The following ADAMTS12 variants were observed in gnomAD, a reference collection of about 807,000 sequenced individuals.
ADAMTS12 encodes A disintegrin and metalloproteinase with thrombospondin motifs 12.
ADAMTS12 carries 118 observed loss-of-function variants against 167.8 expected under a neutral mutation model. That is an observed-to-expected ratio of 0.70 (90% CI 0.61 to 0.82). The LOEUF (loss-of-function observed/expected upper bound fraction) is 0.82, where lower values mean the gene tolerates loss of function less well. ADAMTS12 is among the 40% of genes least tolerant of loss of function. The pLI, the probability that ADAMTS12 is intolerant of heterozygous loss-of-function variation, is 0.00. For missense variants in ADAMTS12, 1,916 were observed against 1,998.8 expected (o/e 0.96, Z 0.79); for synonymous variants, 704 against 716.9 (o/e 0.98, Z 0.29).
At chr5:33,799,872 T>A (rs756211304) in intron 2 of ADAMTS12, among the ~76,000 whole-genome samples, 2 of 152,112 alleles carry the variant, frequency 1.3e-5, no homozygotes, top group Non-Finnish European at 2.9e-5. Context: ...CACAATCTTC[T>A]CCTCAATCCA....
At chr5:33,686,761 C>CTT (rs1742340758) in intron 3 of ADAMTS12, among the ~76,000 whole-genome samples, 1 of 150,926 alleles carries the variant, frequency 6.6e-6, no homozygotes, top group African/African-American at 2.4e-5. Context: ...ATACACCTCT[C>CTT]TCTCTATATA....
At chr5:33,719,678 T>C (rs919656969) in intron 3 of ADAMTS12, among the ~76,000 whole-genome samples, 2 of 152,186 alleles carry the variant, frequency 1.3e-5, no homozygotes, top group Admixed American at 6.5e-5. Context: ...GTTTTATCCA[T>C]AGGACAACTC....
intron 3 of ADAMTS12, among the ~76,000 whole-genome samples, chr5:33,685,806 C>T (rs1742302928): frequency 6.6e-6 from 1 of 152,090 alleles, no homozygotes. Flanking sequence ...GCATGAATTC[C>T]CTAAGAAATG....
chr5:33,641,392 A>C (rs150269002), intron 11 of ADAMTS12, among the ~76,000 whole-genome samples: 1,607 of 152,308 alleles, frequency 0.011, 25 homozygotes, highest in African/African-American at 0.037. Context: ...TATTCTCATA[A>C]AATTGTGTAT....
Position 33,596,042 on chromosome 5 carries a change from G to A in ADAMTS12, c.2546C>T (p.Ala849Val), listed in dbSNP as rs373996626. 9.3e-6 allele frequency: 15 copies of A among 1,613,870 alleles called. No homozygotes were observed. In the African/African-American group the frequency reaches 1.7e-4, roughly 19 times the overall value. The change falls in exon 17 of 24, where the codon GCC becomes GTC. Residue 849 changes from alanine (A) to valine (V), a missense_variant. Coordinates refer to ENST00000504830, the MANE Select transcript of ADAMTS12 (RefSeq NM_030955.4). The part of the protein sequence containing the change: ...TCGTGIRRQT[A>V]HCIKKGRGMV... ...CCCGCGGCCCTTCTTTATGCAATGG[G>A]CAGTTTGGCGGCGGATACCTGGGGG...
chr5:33,753,655 A>G (rs1745075454), intron 2 of ADAMTS12, among the ~76,000 whole-genome samples: 1 of 152,196 alleles, frequency 6.6e-6, no homozygotes, highest in South Asian at 2.1e-4. Flanking sequence ...CTCAGCCTCA[A>G]ATTTTGGACC....
chr5:33,725,055 G>A (rs1037259848), intron 3 of ADAMTS12, among the ~76,000 whole-genome samples: 1 of 152,036 alleles, frequency 6.6e-6, no homozygotes, highest in Admixed American at 6.6e-5. Flanking sequence ...ACTAAGGCTC[G>A]CTTGTTGCCA....
At chr5:33,677,949 C>T (rs1741979397) in intron 5 of ADAMTS12, among the ~76,000 whole-genome samples, 1 of 152,076 alleles carries the variant, frequency 6.6e-6, no homozygotes, top group Admixed American at 6.6e-5. Flanking sequence ...TGGTAACTGA[C>T]AAACATGCAT....
chr5:33,543,557 C>G (rs1299519862), intron 22 of ADAMTS12, among the ~76,000 whole-genome samples: 4 of 151,812 alleles, frequency 2.6e-5, no homozygotes, highest in Non-Finnish European at 5.9e-5. Context: ...AGAGACACAA[C>G]AAAAAAAGAA....
At chr5:33,886,379 G>A (rs994529176) in intron 1 of ADAMTS12, among the ~76,000 whole-genome samples, 1 of 152,194 alleles carries the variant, frequency 6.6e-6, no homozygotes, top group Non-Finnish European at 1.5e-5. Context: ...CCCTGTGATA[G>A]AGATTCAGTT....
chr5:33,833,670 C>T (rs1238682826), intron 2 of ADAMTS12, among the ~76,000 whole-genome samples: 2 of 152,198 alleles, frequency 1.3e-5, no homozygotes, highest in Non-Finnish European at 1.5e-5. Flanking sequence ...CAATGCTCTA[C>T]ACCTGCAAAC....
chr5:33,624,385 G>C, intron 13 of ADAMTS12, 34 bp from the exon 14 acceptor site: 1 of 1,613,060 alleles, frequency 6.2e-7, no homozygotes, highest in African/African-American at 1.3e-5. Context: ...TGAATGCCCA[G>C]GCAGGGGATG....
At chr5:33,834,176 T>G (rs776108320) in intron 2 of ADAMTS12, among the ~76,000 whole-genome samples, 11 of 152,138 alleles carry the variant, frequency 7.2e-5, no homozygotes, top group Admixed American at 3.3e-4. Context: ...AAGGTCTGAT[T>G]TTAAGTTAGT....
At position 33,830,731 on chromosome 5, in the gene ADAMTS12, G is replaced by A. The variant is rs1459679689; in HGVS notation, c.489+50388C>T. 4.6e-5 allele frequency among the ~76,000 whole-genome samples: 7 copies of A among 152,204 alleles called. No homozygotes were observed. In the East Asian group the frequency reaches 1.4e-3, roughly 29 times the overall value. On this transcript the variant is annotated intron_variant, in intron 2 of 23. Coordinates refer to ENST00000504830, the MANE Select transcript of ADAMTS12 (RefSeq NM_030955.4). ...TGTTTGAGCCCAGGAGGTCAAGGCT[G>A]CAGTGAGCCATGATTACACCACCGC...
At chr5:33,797,987 A>G (rs1309538371) in intron 2 of ADAMTS12, among the ~76,000 whole-genome samples, 1 of 152,178 alleles carries the variant, frequency 6.6e-6, no homozygotes, top group South Asian at 2.1e-4. Context: ...CATCCATCCT[A>G]CTGCCTCTTG....
intron 2 of ADAMTS12, among the ~76,000 whole-genome samples, chr5:33,839,606 G>A (rs1748668501): frequency 6.6e-6 from 1 of 152,160 alleles, no homozygotes; most frequent in Non-Finnish European, 1.5e-5. Context: ...GGAGCCGACT[G>A]AAGACAGAGG....
At chr5:33,860,281 A>C (rs1561313481) in intron 2 of ADAMTS12, among the ~76,000 whole-genome samples, 1 of 152,218 alleles carries the variant, frequency 6.6e-6, no homozygotes, top group Non-Finnish European at 1.5e-5. Context: ...GGTTAGAGGA[A>C]TTGCTAACTA....
chr5:33,829,811 T>C (rs1211855240), intron 2 of ADAMTS12, among the ~76,000 whole-genome samples: 2 of 152,182 alleles, frequency 1.3e-5, no homozygotes, highest in Non-Finnish European at 1.5e-5. Context: ...CCCACTCTAA[T>C]GTTGACCAGC....
At chr5:33,672,348 A>G (rs531533712) in intron 5 of ADAMTS12, among the ~76,000 whole-genome samples, 1 of 151,948 alleles carries the variant, frequency 6.6e-6, no homozygotes, top group East Asian at 1.9e-4. Flanking sequence ...ACATACACAC[A>G]CATCCACATA....
Sources: gnomAD v4.1 joint callset for allele counts (sites outside exome capture counted in the v4.1 genomes callset) on GRCh38, gnomAD v4.1.1 for gene constraint, MANE v1.5 for transcripts, NCBI Gene and HGNC (gene_info 2026-07-23, HGNC 2026-07-21) for gene names.